MYO5C: variants seen among roughly 807,000 people sequenced by gnomAD.
MYO5C encodes unconventional myosin-Vc.
In MYO5C, 194 loss-of-function variants were observed where a neutral mutation model predicts 235.7. The observed-to-expected ratio is 0.82, with a 90% CI of 0.73 to 0.93. MYO5C has a LOEUF of 0.93. Among genes scored for constraint, MYO5C ranks in the 40% least tolerant of loss-of-function variants. The pLI is 0.00. For synonymous variants in MYO5C, 707 were observed against 754.8 expected (o/e 0.94, Z 1.04); for missense variants, 2,038 against 2,127.2 (o/e 0.96, Z 0.82).
intron 1 of MYO5C, among the ~76,000 whole-genome samples, chr15:52,285,441 CT>C (rs2037243187): frequency 6.9e-6 from 1 of 144,608 alleles, no homozygotes; most frequent in Non-Finnish European, 1.5e-5. Flanking sequence ...CCCTCTCCCT[CT>C]CCCTCCTCTC....
intron 1 of MYO5C, among the ~76,000 whole-genome samples, chr15:52,295,172 C>T (rs2037472847): frequency 6.6e-6 from 1 of 152,176 alleles, no homozygotes; most frequent in Non-Finnish European, 1.5e-5. Flanking sequence ...TCTCAGCTTC[C>T]TACGTCCGCA....
intron 23 of MYO5C, among the ~76,000 whole-genome samples, chr15:52,233,904 A>G (rs764308812): frequency 6.6e-6 from 1 of 152,170 alleles, no homozygotes; most frequent in Non-Finnish European, 1.5e-5. Context: ...GTCGATAGCA[A>G]TTCTCCAAAT....
chr15:52,288,784 T>C (rs1286980909), intron 1 of MYO5C, among the ~76,000 whole-genome samples: 1 of 152,184 alleles, frequency 6.6e-6, no homozygotes, highest in Non-Finnish European at 1.5e-5. Flanking sequence ...GCCAAGCCCT[T>C]CAGCGGAGCC....
intron 4 of MYO5C, among the ~76,000 whole-genome samples, chr15:52,276,585 G>A (rs1004658007): frequency 2.0e-5 from 3 of 152,168 alleles, no homozygotes; most frequent in African/African-American, 7.2e-5. Flanking sequence ...ACCAAGAAAT[G>A]TCAGGAACCG....
chr15:52,208,654 TAAGAA>T lies in MYO5C; in HGVS notation c.4297-16_4297-12del, dbSNP rs2035376711. ...GTCTTCTAAATGTTCCTTAGGAAAA[TAAGAA>T]AAGACAAAATTGGTCTTGATGATTA... On this transcript the variant is annotated splice_polypyrimidine_tract_variant and intron_variant, in intron 35 of 40. Transcript: ENST00000261839. 7 of 1,611,932 alleles carry T rather than the reference TAAGAA, an allele frequency of 4.3e-6. No homozygotes were observed. Among genetic ancestry groups the T allele is most frequent in the East Asian group, 2.2e-5 (1 of 44,874 alleles).
intron 38 of MYO5C, among the ~76,000 whole-genome samples, chr15:52,198,191 T>A (rs1346564797): frequency 6.6e-6 from 1 of 151,820 alleles, no homozygotes; most frequent in African/African-American, 2.4e-5. Context: ...AAAAATTAGC[T>A]GGGTATGGTG....
At chr15:52,200,662 C>G (rs2035166975) in intron 38 of MYO5C, among the ~76,000 whole-genome samples, 1 of 151,876 alleles carries the variant, frequency 6.6e-6, no homozygotes, top group Non-Finnish European at 1.5e-5. Flanking sequence ...TATGAAGAAC[C>G]AGAAAGATCT....
chr15:52,234,878 T>A (rs905293905), intron 23 of MYO5C, among the ~76,000 whole-genome samples: 1 of 152,116 alleles, frequency 6.6e-6, no homozygotes, highest in Non-Finnish European at 1.5e-5. Flanking sequence ...GCGTGTAGAA[T>A]CCCCAGGCCT....
At chr15:52,249,910 T>C (rs1320105425) in intron 13 of MYO5C, among the ~76,000 whole-genome samples, 3 of 152,198 alleles carry the variant, frequency 2.0e-5, no homozygotes. Context: ...AACCCCATAG[T>C]GCATGTGGGT....
intron 10 of MYO5C, 100 bp from the exon 11 acceptor site, chr15:52,256,820 T>C: frequency 1.1e-6 from 1 of 873,524 alleles, no homozygotes; most frequent in East Asian, 2.5e-5. Flanking sequence ...ACGTTTGCTA[T>C]GTCTTCTACA....
rs201396260 is a variant in MYO5C, at chr15:52,229,116, C to A, written c.3207+17G>T. On this transcript the variant is annotated intron_variant, in intron 25 of 40. Transcript: ENST00000261839. Reference sequence around the variant, plus strand: ...GACGTAACCAGAGGGCGGGGCTGAACGTGAGAGCCGCTCTACCTTGACCTG... The same window carrying A: ...GACGTAACCAGAGGGCGGGGCTGAAAGTGAGAGCCGCTCTACCTTGACCTG... The A allele has an allele frequency of 1.1e-5, 17 of 1,613,410 alleles. No homozygotes were observed. The highest frequency in any genetic ancestry group is 1.4e-5 in the Non-Finnish European group (17 of 1,179,612).
chr15:52,271,962 G>A, intron 6 of MYO5C, 118 bp from the exon 7 acceptor site: 1 of 577,032 alleles, frequency 1.7e-6, no homozygotes, highest in Non-Finnish European at 3.0e-6. Context: ...TGTCTGGGAT[G>A]TGATCTGGCC....
chr15:52,212,907 C>T (rs143551399), intron 34 of MYO5C, among the ~76,000 whole-genome samples: 1 of 152,190 alleles, frequency 6.6e-6, no homozygotes, highest in Non-Finnish European at 1.5e-5. Flanking sequence ...TTGGCCCCCA[C>T]AGGACATTCG....
At position 52,272,601 on chromosome 15, in the gene MYO5C, C is replaced by T. The variant is rs774743764; in HGVS notation, c.729G>A (p.Glu243=). ...IGANMSTYLL[E]KSRVVFQSEN... is the part of the protein sequence containing the mutation. Reference sequence around the variant, plus strand: ...TTACTTGAAAGACAACTCTGGATTTCTCCAGGAGGTAAGTGCTCATGTTGG... The same window carrying T: ...TTACTTGAAAGACAACTCTGGATTTTTCCAGGAGGTAAGTGCTCATGTTGG... Residue 243 remains glutamate, a synonymous_variant, in exon 6 of 41, where the codon GAG becomes GAA. Transcript: ENST00000261839. The T allele has an allele frequency of 1.2e-6, 2 of 1,612,832 alleles. No homozygotes were observed. The highest frequency in any genetic ancestry group is 1.1e-5 in the South Asian group (1 of 90,494).
chr15:52,253,480 G>A (rs2036516391), intron 11 of MYO5C, 23 bp from the exon 12 acceptor site: 1 of 1,604,328 alleles, frequency 6.2e-7, no homozygotes, highest in South Asian at 1.1e-5. Context: ...AGTTAATACA[G>A]AAAGTAAAAC....
chr15:52,295,675 G>A lies in MYO5C; in HGVS notation c.-39C>T, dbSNP rs779880366. 7 of 1,373,936 alleles carry A rather than the reference G, an allele frequency of 5.1e-6. No homozygotes were observed. Among genetic ancestry groups the A allele is most frequent in the East Asian group, 3.1e-5 (1 of 32,374 alleles). 85.1% of individuals were successfully genotyped at this position (1,373,936 alleles called of 1,614,324 possible). Reference sequence around the variant, plus strand: ...CGGGGCCAGGCCGGGGCTGCCGAACGTGCGAGGCTCGGGGGCTGGGCCTGC... The same window carrying A: ...CGGGGCCAGGCCGGGGCTGCCGAACATGCGAGGCTCGGGGGCTGGGCCTGC... On this transcript the variant is annotated 5_prime_UTR_variant, in exon 1 of 41. It adds an upstream start codon to the 5' untranslated region. Coordinates refer to ENST00000261839, the MANE Select transcript of MYO5C (RefSeq NM_018728.4).
At chr15:52,285,604 C>T (rs1478519072) in intron 1 of MYO5C, among the ~76,000 whole-genome samples, 1 of 152,230 alleles carries the variant, frequency 6.6e-6, no homozygotes, top group African/African-American at 2.4e-5. Flanking sequence ...CTGCCTCAGC[C>T]TGCCGAGTGG....
chr15:52,264,527 G>C (rs557910391), intron 8 of MYO5C, among the ~76,000 whole-genome samples: 96 of 152,292 alleles, frequency 6.3e-4, no homozygotes, highest in African/African-American at 2.2e-3. Context: ...CTGCTAGGAA[G>C]TTCAACACAA....
At chr15:52,264,379 T>C (rs1596208853) in intron 8 of MYO5C, 83 bp from the exon 9 acceptor site, 6 of 1,092,990 alleles carry the variant, frequency 5.5e-6, no homozygotes, top group Non-Finnish European at 8.1e-6. Context: ...ATTCAAGATA[T>C]GCAGGTAGCA....
Sources: allele counts gnomAD v4.1 joint callset (sites outside exome capture counted in the v4.1 genomes callset), GRCh38; gene constraint gnomAD v4.1.1; transcripts MANE v1.5; gene names NCBI Gene and HGNC (gene_info 2026-07-23, HGNC 2026-07-21).